Variants in DCAF17 observed in about 807,000 individuals in gnomAD.
DCAF17 encodes the protein DDB1 and CUL4 associated factor 17.
A neutral mutation model predicts 66.0 loss-of-function variants in DCAF17; 48 were observed. The ratio of observed to expected loss-of-function variants is 0.73; its 90% CI spans 0.58 to 0.92. The LOEUF is 0.92. Among genes scored for constraint, DCAF17 ranks in the 40% least tolerant of loss-of-function variants. DCAF17 has a pLI of 0.00. For synonymous variants in DCAF17, 206 were observed against 214.6 expected (o/e 0.96, Z 0.35); for missense variants, 562 against 622.8 (o/e 0.90, Z 1.04).
chr2:171,448,858 A>C (rs1222654348), intron 4 of DCAF17, 41 bp downstream of exon 4: 1 of 1,580,388 alleles, frequency 6.3e-7, no homozygotes, highest in African/African-American at 1.3e-5. Context: ...TTATTTTAAA[A>C]ATTTGAAACC....
rs1188301964 is a variant in DCAF17 at position 171,444,029 on chromosome 2, TA to T, written c.321+418del. On this transcript the variant is annotated intron_variant, in intron 3 of 13. Coordinates refer to ENST00000375255, the MANE Select transcript of DCAF17 (RefSeq NM_025000.4). ...AAATAATAAAAATAAAATAATAGGA[TA>T]AGCTCATTTCATAAGGCTAGCTTTG... Among the ~76,000 whole-genome samples the T allele has an allele frequency of 2.0e-5, 3 of 152,294 alleles. No individual in the cohort carries two copies. In the East Asian group the frequency reaches 5.8e-4, roughly 29 times the overall value.
intron 2 of DCAF17, among the ~76,000 whole-genome samples, chr2:171,442,785 C>T (rs924773606): frequency 2.0e-5 from 3 of 151,912 alleles, no homozygotes; most frequent in African/African-American, 2.4e-5. Context: ...GAGGCTGAGG[C>T]AGGACAATTA....
At chr2:171,437,484 T>A (rs1452464079) in intron 2 of DCAF17, among the ~76,000 whole-genome samples, 1 of 152,222 alleles carries the variant, frequency 6.6e-6, no homozygotes, top group Non-Finnish European at 1.5e-5. Context: ...ATTGTCTTGA[T>A]CACTGCTGCT....
At position 171,481,081 on chromosome 2, in the gene DCAF17, GGAA is replaced by G. The variant is rs749778256; in HGVS notation, c.1540_1542del (p.Glu514del). 2.5e-6 allele frequency: 4 copies of G among 1,613,532 alleles called. No homozygotes were observed. The highest frequency in any genetic ancestry group is 1.7e-5 in the Admixed American group (1 of 59,954). Reference sequence around the variant, plus strand: ...TTTACCAGATGATATGTGACACTGGGGAAGAAGAAGAAACCATAAACAGAAGCT... The same window carrying G: ...TTTACCAGATGATATGTGACACTGGGGAAGAAGAAACCATAAACAGAAGCT... On this transcript the variant is annotated inframe_deletion, in exon 14 of 14. Coordinates refer to ENST00000375255, the MANE Select transcript of DCAF17 (RefSeq NM_025000.4).
Position 171,462,671 on chromosome 2 carries a change from C to T in DCAF17, c.838+4194C>T, listed in dbSNP as rs191311527. On this transcript the variant is annotated intron_variant, in intron 8 of 13. Coordinates refer to ENST00000375255, the MANE Select transcript of DCAF17 (RefSeq NM_025000.4). ...TTAATATGTATCAAAATTTTAAATG[C>T]GTGTACTCCTTGAACCCAGCAACTT... is the stretch of plus-strand genomic sequence containing the variant. Among the ~76,000 whole-genome samples, 24 of 152,144 alleles carry T rather than the reference C, an allele frequency of 1.6e-4. No homozygotes were observed. The East Asian group carries it at 4.0e-3, about 26-fold the overall frequency.
chr2:171,476,921 G>A lies in DCAF17; in HGVS notation c.1153G>A (p.Val385Ile), dbSNP rs756127137. Reference sequence around the variant, plus strand: ...TCAGCATCAGATCTCTGAAGATTTTGTCATTTTGGCCAACAGGGAGAACCA... The same window carrying A: ...TCAGCATCAGATCTCTGAAGATTTTATCATTTTGGCCAACAGGGAGAACCA... ...SSQHQISEDF[V>I]ILANRENHKN... The change falls in exon 11 of 14, where the codon GTC becomes ATC. Residue 385 changes from valine (V) to isoleucine (I), a missense_variant. Physicochemically the swap from Val to Ile is conservative, Grantham distance 29 (BLOSUM62 3). Transcript: ENST00000375255. The A allele has an allele frequency of 6.2e-7, 1 of 1,613,678 alleles. No homozygotes were observed. The highest frequency in any genetic ancestry group is 1.3e-5 in the African/African-American group (1 of 74,994).
intron 8 of DCAF17, among the ~76,000 whole-genome samples, chr2:171,468,180 C>A (rs1164862206): frequency 1.3e-5 from 2 of 151,942 alleles, no homozygotes; most frequent in African/African-American, 2.4e-5. Flanking sequence ...CTAAAAATTT[C>A]TCTTGGTGCT....
intron 4 of DCAF17, 144 bp from the exon 5 acceptor site, chr2:171,449,735 T>G (rs1402611003): frequency 1.9e-6 from 1 of 525,912 alleles, no homozygotes; most frequent in Non-Finnish European, 3.3e-6. Flanking sequence ...GAAATTTTTT[T>G]AGCTATTTAT....
chr2:171,454,093 C>T (rs1695105901), intron 6 of DCAF17, among the ~76,000 whole-genome samples: 1 of 151,682 alleles, frequency 6.6e-6, no homozygotes, highest in African/African-American at 2.4e-5. Context: ...TGGTTTGAGC[C>T]CAGGAATTCA....
chr2:171,453,036 A>G, intron 5 of DCAF17, 88 bp from the exon 6 acceptor site: 1 of 905,502 alleles, frequency 1.1e-6, no homozygotes, highest in Non-Finnish European at 1.7e-6. Flanking sequence ...ACTACATGCT[A>G]GAACAGATGG....
At position 171,448,743 on chromosome 2, in the gene DCAF17, T is replaced by C. The variant is rs1398417344; in HGVS notation, c.384T>C (p.Asn128=). 5 of 1,613,430 alleles carry C rather than the reference T, an allele frequency of 3.1e-6. No individual in the cohort carries two copies. The highest frequency in any genetic ancestry group is 2.2e-5 in the East Asian group (1 of 44,830). ...KSSLIALTAH[N]WLLRISATTG... is the part of the protein sequence containing the mutation. ...CACTCATAGCACTGACTGCTCATAA[T>C]TGGCTACTTCGTATATCAGCAACTA... The change falls in exon 4 of 14, where the codon AAT becomes AAC. Residue 128 remains asparagine (N), a synonymous_variant. Transcript: ENST00000375255.
At chr2:171,476,626 C>T (rs76397917) in intron 10 of DCAF17, among the ~76,000 whole-genome samples, 113 of 152,346 alleles carry the variant, frequency 7.4e-4, no homozygotes, top group Non-Finnish European at 1.4e-3. Context: ...TCATTACCTA[C>T]TTCAGTGGCA....
At chr2:171,439,008 C>T (rs1367340651) in intron 2 of DCAF17, among the ~76,000 whole-genome samples, 1 of 152,010 alleles carries the variant, frequency 6.6e-6, no homozygotes, top group Non-Finnish European at 1.5e-5. Flanking sequence ...GGATTACAGA[C>T]ACGAGCCACC....
Position 171,484,572 on chromosome 2 carries a change from T to C in DCAF17, c.*3458T>C, listed in dbSNP as rs1696875376. The C allele has an allele frequency of 2.2e-6, 1 of 452,306 alleles. No individual in the cohort carries two copies. The highest frequency in any genetic ancestry group is 2.0e-5 in the African/African-American group (1 of 49,890). 28.0% of individuals were successfully genotyped at this position (452,306 alleles called of 1,614,324 possible). A position where few individuals can be genotyped will look rare whatever the true frequency, so the allele number is the denominator to read the frequency against. ...ATTATTAACTAGAGTTTAGTATTTA[T>C]TTAGTTTTTAAATTTTTTTGATTTA... On this transcript the variant is annotated 3_prime_UTR_variant, in exon 14 of 14. Coordinates refer to ENST00000375255, the MANE Select transcript of DCAF17 (RefSeq NM_025000.4).
chr2:171,447,893 C>T (rs1169040556), intron 3 of DCAF17, among the ~76,000 whole-genome samples: 1 of 152,228 alleles, frequency 6.6e-6, no homozygotes, highest in African/African-American at 2.4e-5. Context: ...CAGGAGTGCC[C>T]ATGCAGCTAT....
chr2:171,443,029 G>T (rs535234459), intron 2 of DCAF17: 11 of 150,880 alleles, frequency 7.3e-5, no homozygotes, highest in Admixed American at 2.6e-4. Context: ...AAGTAATTTG[G>T]GAGTAAAAAA....
intron 6 of DCAF17, 102 bp downstream of exon 6, chr2:171,453,315 CA>C: frequency 1.1e-6 from 1 of 891,656 alleles, no homozygotes; most frequent in South Asian, 1.7e-5. Context: ...ATGCTCCCCT[CA>C]CTATAAAAAG....
chr2:171,483,228 T>TC lies in DCAF17; in HGVS notation c.*2114_*2115insC, dbSNP rs1197023996. 1 of 453,998 alleles carries TC rather than the reference T, an allele frequency of 2.2e-6. No homozygotes were observed. The highest frequency in any genetic ancestry group is 4.4e-6 in the Non-Finnish European group (1 of 226,796). 28.1% of individuals were successfully genotyped at this position (453,998 alleles called of 1,614,324 possible). ...CTGCCACCTGCCAGACATTAATGTC[T>TC]TCCTGCCCTACCTAAACCCCCTCTT... On this transcript the variant is annotated 3_prime_UTR_variant, in exon 14 of 14. Coordinates refer to ENST00000375255, the MANE Select transcript of DCAF17 (RefSeq NM_025000.4).
At chr2:171,439,693 C>T (rs116041957) in intron 2 of DCAF17, among the ~76,000 whole-genome samples, 18 of 151,978 alleles carry the variant, frequency 1.2e-4, no homozygotes, top group Non-Finnish European at 2.4e-4. Flanking sequence ...TTTGGGAGGA[C>T]TAGGTGGGCA....
Sources: gnomAD v4.1 joint callset for allele counts (sites outside exome capture counted in the v4.1 genomes callset) on GRCh38, gnomAD v4.1.1 for gene constraint, MANE v1.5 for transcripts, NCBI Gene and HGNC (gene_info 2026-07-23, HGNC 2026-07-21) for gene names.